TASOR2: variants seen among roughly 807,000 people sequenced by gnomAD.
The protein encoded by TASOR2 is transcription activation suppressor family member 2.
A neutral mutation model predicts 199.5 loss-of-function variants in TASOR2; 84 were observed. That is an observed-to-expected ratio of 0.42 (90% CI 0.35 to 0.50). TASOR2 has a LOEUF of 0.50. Ranked by LOEUF, TASOR2 falls within the 20% of genes least tolerant of loss-of-function variation. The probability of loss-of-function intolerance (pLI) is 0.02; values close to 1 mark genes in which losing one functional copy is unlikely to be tolerated. For synonymous variants in TASOR2, 1,103 were observed against 1,046.6 expected (o/e 1.05, Z -1.04); for missense variants, 2,796 against 2,835.9 (o/e 0.99, Z 0.32).
At chr10:5,711,752 G>A (rs1409386946) in intron 1 of TASOR2, among the ~76,000 whole-genome samples, 3 of 152,040 alleles carry the variant, frequency 2.0e-5, no homozygotes, top group African/African-American at 7.2e-5. Flanking sequence ...TTTGAAAAAA[G>A]CACCTTCAAA....
intron 15 of TASOR2, among the ~76,000 whole-genome samples, chr10:5,753,935 A>G (rs564549144): frequency 6.6e-6 from 1 of 152,306 alleles, no homozygotes; most frequent in East Asian, 1.9e-4. Context: ...CTCTAGAATC[A>G]ACCAAGTCAG....
chr10:5,731,158 A>G (rs759134534), exon 11 of TASOR2: 1 of 1,609,082 alleles, frequency 6.2e-7, no homozygotes, highest in Admixed American at 1.7e-5. Context: ...CTCTCCAACA[A>G]CTCTTAAGTT....
chr10:5,686,221 T>G (rs1487896645), intron 1 of TASOR2, among the ~76,000 whole-genome samples: 1 of 152,186 alleles, frequency 6.6e-6, no homozygotes, highest in Non-Finnish European at 1.5e-5. Flanking sequence ...ATATTTGAAG[T>G]TTTGTGTATA....
At chr10:5,731,622 C>T (rs1834827219) in intron 11 of TASOR2, among the ~76,000 whole-genome samples, 1 of 152,170 alleles carries the variant, frequency 6.6e-6, no homozygotes, top group Non-Finnish European at 1.5e-5. Flanking sequence ...TTAGAATCAC[C>T]ATCATTTCTC....
rs1835948573 is a variant in TASOR2, at chr10:5,738,649, A to T, written c.1448-969A>T. 1.3e-5 allele frequency among the ~76,000 whole-genome samples: 2 copies of T among 152,182 alleles called. No individual in the cohort carries two copies. Among genetic ancestry groups the T allele is most frequent in the Admixed American group, 1.3e-4 (2 of 15,276 alleles). On this transcript the variant is annotated intron_variant, in intron 12 of 20. Coordinates refer to ENST00000328090, the Ensembl canonical transcript of TASOR2. The surrounding 1 kb of genome is among the most constrained non-coding windows in gnomAD (Gnocchi z 4.7). Reference sequence around the variant, plus strand: ...CATAGGCTGGAGCTGTCTTCTCTTTAAATGTGTTACTCATTGGCCTTGGCT... The same window carrying T: ...CATAGGCTGGAGCTGTCTTCTCTTTTAATGTGTTACTCATTGGCCTTGGCT...
chr10:5,713,977 G>A, intron 2 of TASOR2, 158 bp from the exon 3 acceptor site: 1 of 375,770 alleles, frequency 2.7e-6, no homozygotes, highest in Non-Finnish European at 4.6e-6. Flanking sequence ...GAGGTGGGAG[G>A]ATTGCTTGAG....
At chr10:5,759,082 A>G (rs1839398264) in intron 18 of TASOR2, 90 bp downstream of exon 19, 4 of 855,364 alleles carry the variant, frequency 4.7e-6, no homozygotes, top group African/African-American at 1.7e-5. Flanking sequence ...CTAGTGCTGC[A>G]GTGGAATGGC....
intron 6 of TASOR2, 22 bp from the exon 8 acceptor site, chr10:5,723,655 A>T (rs1833666445): frequency 1.4e-6 from 2 of 1,464,950 alleles, no homozygotes; most frequent in Non-Finnish European, 1.9e-6. Context: ...ATTCTGCTTG[A>T]TACTGTTGTG....
chr10:5,758,026 T>A (rs1839217674), intron 17 of TASOR2, among the ~76,000 whole-genome samples: 1 of 152,204 alleles, frequency 6.6e-6, no homozygotes, highest in Admixed American at 6.5e-5. Context: ...AAAGTCAACC[T>A]TCTCCATTTC....
At chr10:5,755,306 C>T (rs1838770168) in intron 15 of TASOR2, among the ~76,000 whole-genome samples, 1 of 152,100 alleles carries the variant, frequency 6.6e-6, no homozygotes, top group Non-Finnish European at 1.5e-5. Flanking sequence ...CACACAGTGG[C>T]TCTCGCCTGT....
chr10:5,724,228 G>A (rs1290076188), intron 7 of TASOR2, among the ~76,000 whole-genome samples: 3 of 152,180 alleles, frequency 2.0e-5, no homozygotes, highest in Admixed American at 2.0e-4. Context: ...AGCAGTGTCA[G>A]TATAAATAAG....
At position 5,690,699 on chromosome 10, in the gene TASOR2, A is replaced by C. The variant is rs1002113161; in HGVS notation, c.-288+5524A>C. Among the ~76,000 whole-genome samples the C allele has an allele frequency of 4.6e-5, 7 of 152,244 alleles. No homozygotes were observed. Among genetic ancestry groups the C allele is most frequent in the Non-Finnish European group, 8.8e-5 (6 of 68,042 alleles). The stretch of plus-strand genomic sequence containing the variant: ...TCAGGATATTTTTGTAAGAGGGACA[A>C]AACTACTTAACAGTGTGTATCCTTG... On this transcript the variant is annotated intron_variant, in intron 1 of 20. Coordinates refer to ENST00000328090, the Ensembl canonical transcript of TASOR2. The surrounding 1 kb of genome is among the most constrained non-coding windows in gnomAD (Gnocchi z 4.8).
chr10:5,714,297 TA>T (rs1832322933), intron 2 of TASOR2, 90 bp downstream of exon 3: 2 of 721,152 alleles, frequency 2.8e-6, no homozygotes, highest in Non-Finnish European at 3.8e-6. Flanking sequence ...ATATGTATAT[TA>T]AAAGCCAGTT....
rs79587757 is a variant in TASOR2, at chr10:5,693,832, A to G, written c.-288+8657A>G. On this transcript the variant is annotated intron_variant, in intron 1 of 20. Coordinates refer to ENST00000328090, the Ensembl canonical transcript of TASOR2. Reference sequence around the variant, plus strand: ...CAAAGATAACTTCATAGAATATTTGATTATCTACTGTGGTGCTAGGAGCTC... The same window carrying G: ...CAAAGATAACTTCATAGAATATTTGGTTATCTACTGTGGTGCTAGGAGCTC... Among the ~76,000 whole-genome samples the G allele has an allele frequency of 4.7e-3, 714 of 152,360 alleles. 37 individuals are homozygous for G. The East Asian group carries it at 0.11, about 24-fold the overall frequency.
chr10:5,718,632 G>A (rs936165155), intron 3 of TASOR2, among the ~76,000 whole-genome samples: 3 of 151,896 alleles, frequency 2.0e-5, no homozygotes, highest in African/African-American at 4.8e-5. Context: ...GGTGGCGGGT[G>A]CCTGTAATCC....
In TASOR2 at chr10:5,698,464, A is replaced by G. The variant is rs560031987; in HGVS notation, c.-288+13289A>G. Among the ~76,000 whole-genome samples the G allele has an allele frequency of 6.6e-6, 1 of 152,326 alleles. No individual in the cohort carries two copies. The highest frequency in any genetic ancestry group is 2.1e-4 in the South Asian group (1 of 4,830). On this transcript the variant is annotated intron_variant, in intron 1 of 20. Coordinates refer to ENST00000328090, the Ensembl canonical transcript of TASOR2. The surrounding 1 kb of genome is among the most constrained non-coding windows in gnomAD (Gnocchi z 4.4). Reference sequence around the variant, plus strand: ...TTAAAAATAAAAAAAGAGAGAGAAAAACCACAATTTTCTACAGACGATATT... The same window carrying G: ...TTAAAAATAAAAAAAGAGAGAGAAAGACCACAATTTTCTACAGACGATATT...
At chr10:5,733,010 G>A (rs1392510513) in intron 11 of TASOR2, among the ~76,000 whole-genome samples, 1 of 152,154 alleles carries the variant, frequency 6.6e-6, no homozygotes, top group African/African-American at 2.4e-5. Flanking sequence ...ATACTGTTCT[G>A]CATGAACCAA....
chr10:5,746,830 G>A, exon 15 of TASOR2: 4 of 1,614,166 alleles, frequency 2.5e-6, no homozygotes, highest in Non-Finnish European at 3.4e-6. Context: ...ACTTGATAAA[G>A]CAGTGTGTTC....
exon 15 of TASOR2, chr10:5,749,282 G>A (rs751826299): frequency 3.7e-6 from 6 of 1,614,220 alleles, no homozygotes; most frequent in Middle Eastern, 3.3e-4. Context: ...AGTGCAAACT[G>A]TGGCCTGCCC....
Sources: gnomAD v4.1 joint callset for allele counts (sites outside exome capture counted in the v4.1 genomes callset) on GRCh38, gnomAD v4.1.1 for gene constraint, Gnocchi (gnomAD v3.1) non-coding constraint, MANE v1.5 for transcripts, NCBI Gene and HGNC (gene_info 2026-07-23, HGNC 2026-07-21) for gene names.